GAPVD1: variants seen among roughly 807,000 people sequenced by gnomAD.
The protein encoded by GAPVD1 is GTPase-activating protein and VPS9 domain-containing protein 1.
GAPVD1 carries 35 observed loss-of-function variants against 155.5 expected under a neutral mutation model. The ratio of observed to expected loss-of-function variants is 0.23; its 90% confidence interval spans 0.17 to 0.30. The LOEUF (loss-of-function observed/expected upper bound fraction) is 0.30. Among genes scored for constraint, GAPVD1 ranks in the 10% least tolerant of loss-of-function variants. The pLI is 1.00. For missense variants in GAPVD1, 1,429 were observed against 1,775.7 expected (o/e 0.80, Z 3.51); for synonymous variants, 636 against 619.7 (o/e 1.03, Z -0.39).
chr9:125,283,013 AAAGTTT>A (rs973971424), intron 2 of GAPVD1, among the ~76,000 whole-genome samples: 5 of 150,292 alleles, frequency 3.3e-5, no homozygotes, highest in African/African-American at 9.8e-5. Flanking sequence ...GCTGTTACTT[AAAGTTT>A]ATTTTTATTT....
chr9:125,296,225 C>A (rs185442265), intron 3 of GAPVD1, among the ~76,000 whole-genome samples: 10 of 150,706 alleles, frequency 6.6e-5, no homozygotes, highest in Admixed American at 2.7e-4. Flanking sequence ...GTTGCCCAGG[C>A]TGGAGTGCAG....
chr9:125,287,286 C>G (rs549796458), intron 2 of GAPVD1, among the ~76,000 whole-genome samples: 1 of 152,112 alleles, frequency 6.6e-6, no homozygotes. Context: ...GCCTGTAATC[C>G]TAGCATTTTG....
At chr9:125,318,867 G>C (rs1489398925) in intron 9 of GAPVD1, among the ~76,000 whole-genome samples, 1 of 151,636 alleles carries the variant, frequency 6.6e-6, no homozygotes, top group Non-Finnish European at 1.5e-5. Context: ...TGGGCAACTT[G>C]GCGAGACCCT....
chr9:125,305,804 C>A (rs1841694803), intron 6 of GAPVD1, among the ~76,000 whole-genome samples: 1 of 151,984 alleles, frequency 6.6e-6, no homozygotes, highest in South Asian at 2.1e-4. Flanking sequence ...TAGGGGCACA[C>A]CACCATGCCC....
At chr9:125,280,396 CAAAAAAAAAA>C (rs750354567) in intron 2 of GAPVD1, among the ~76,000 whole-genome samples, 1 of 57,338 alleles carries the variant, frequency 1.7e-5, no homozygotes, top group African/African-American at 6.8e-5. Flanking sequence ...AAGTCCATCT[CAAAAAAAAAA>C]AAAAAAAAAA....
chr9:125,275,145 G>C (rs147035636), intron 2 of GAPVD1, among the ~76,000 whole-genome samples: 1 of 150,520 alleles, frequency 6.6e-6, no homozygotes, highest in Non-Finnish European at 1.5e-5. Context: ...GTGTGATCTC[G>C]GCTCACTGCA....
At chr9:125,285,807 T>C (rs77246434) in intron 2 of GAPVD1, among the ~76,000 whole-genome samples, 3,039 of 152,094 alleles carry the variant, frequency 0.02, 117 homozygotes, top group East Asian at 0.09. Flanking sequence ...GTTGAACTTA[T>C]TTTATTTTAT....
chr9:125,270,493 A>G (rs574822874), intron 2 of GAPVD1, among the ~76,000 whole-genome samples: 27 of 152,220 alleles, frequency 1.8e-4, no homozygotes, highest in Admixed American at 1.3e-3. Flanking sequence ...ACTTTTCTGG[A>G]TATGTTTCAA....
intron 2 of GAPVD1, among the ~76,000 whole-genome samples, chr9:125,271,551 T>A (rs1236324106): frequency 6.6e-6 from 1 of 152,040 alleles, no homozygotes; most frequent in Non-Finnish European, 1.5e-5. Context: ...TAACTTATTT[T>A]TTTATTTTTT....
At position 125,281,164 on chromosome 9, in the gene GAPVD1, T is replaced by G. The variant is rs544195167; in HGVS notation, c.-150+12180T>G. Among the ~76,000 whole-genome samples the G allele has an allele frequency of 4.0e-3, 602 of 152,324 alleles. 1 individual carries two copies. The highest frequency in any genetic ancestry group is 5.8e-3 in the South Asian group (28 of 4,826). On this transcript the variant is annotated intron_variant, in intron 2 of 27. Transcript: ENST00000297933. ...GGAATGTCATATGGGAGCCGTTCCC[T>G]TTTCTAGGCCGTGGTGGTTAGAGAT...
In GAPVD1 at chr9:125,312,489, C is replaced by T; in HGVS notation, c.1479C>T (p.Asp493=). Residue 493 remains aspartate, a synonymous_variant, in exon 9 of 28, where the codon GAC becomes GAT. Coordinates refer to ENST00000297933, the MANE Select transcript of GAPVD1 (RefSeq NM_001282680.3). ...RSRSRTNMLM[D]LHMDHEGSSQ... is the part of the protein sequence containing the mutation. ...GAAGCCGCACCAATATGCTAATGGA[C>T]CTACATATGGACCATGAAGGATCAT... 2 of 1,600,376 alleles carry T rather than the reference C, an allele frequency of 1.2e-6. No individual in the cohort carries two copies. The highest frequency in any genetic ancestry group is 1.7e-6 in the Non-Finnish European group (2 of 1,174,794).
intron 3 of GAPVD1, among the ~76,000 whole-genome samples, chr9:125,298,111 C>A (rs534302878): frequency 6.6e-6 from 1 of 152,214 alleles, no homozygotes; most frequent in East Asian, 1.9e-4. Context: ...AGAAAGGAAG[C>A]AGCGAGATCA....
intron 2 of GAPVD1, among the ~76,000 whole-genome samples, chr9:125,273,752 C>G (rs1200241916): frequency 6.6e-6 from 1 of 151,740 alleles, no homozygotes; most frequent in African/African-American, 2.4e-5. Flanking sequence ...ACCAGCATCC[C>G]CAGCATCTGG....
intron 2 of GAPVD1, among the ~76,000 whole-genome samples, chr9:125,285,350 C>G (rs1837476315): frequency 6.6e-6 from 1 of 152,092 alleles, no homozygotes; most frequent in Non-Finnish European, 1.5e-5. Flanking sequence ...CTAAAATCTC[C>G]TTACTGTGCT....
intron 2 of GAPVD1, among the ~76,000 whole-genome samples, chr9:125,278,340 G>A (rs1263510357): frequency 6.6e-6 from 1 of 151,996 alleles, no homozygotes; most frequent in African/African-American, 2.4e-5. Context: ...GGCCAACATG[G>A]TGAAACCCTG....
intron 14 of GAPVD1, among the ~76,000 whole-genome samples, chr9:125,332,286 T>C (rs1251337395): frequency 6.6e-6 from 1 of 152,232 alleles, no homozygotes; most frequent in Non-Finnish European, 1.5e-5. Context: ...GTTTCTGTTC[T>C]TAGTAGCCTG....
chr9:125,293,860 A>ATATAAATATATTT (rs1554757087), intron 2 of GAPVD1, among the ~76,000 whole-genome samples: 129 of 10,592 alleles, frequency 0.012, 8 homozygotes, highest in South Asian at 0.073. Flanking sequence ...TTTTATATAT[A>ATATAAATATATTT]TATATATATA....
In GAPVD1 at chr9:125,302,690, A is replaced by G; in HGVS notation, c.893A>G (p.Glu298Gly). The change falls in exon 5 of 28, where the codon GAA becomes GGA. Residue 298 changes from glutamate to glycine, a missense_variant. Glu to Gly is a moderately conservative substitution (Grantham distance 98). This residue lies in a region of GAPVD1 where 628 missense variants were observed against 733.4 expected (regional missense o/e 0.86). Coordinates refer to ENST00000297933, the MANE Select transcript of GAPVD1 (RefSeq NM_001282680.3). ...ACCCTCTCCTGTGTAGATAGGCTGG[A>G]AGTTGGGGAGGTCAGGGCAATGTGT... is the stretch of plus-strand genomic sequence containing the variant. ...YKTLSCVDRL[E>G]VGEVRAMCTD... 6.2e-7 allele frequency: 1 copy of G among 1,608,842 alleles called. No individual in the cohort carries two copies. Among genetic ancestry groups the G allele is most frequent in the Admixed American group, 1.7e-5 (1 of 59,528 alleles).
rs965285158 is a variant in GAPVD1 at position 125,273,068 on chromosome 9, G to A, written c.-150+4084G>A. ...TACAGTGTTCTAAGGATTTCAGATT[G>A]TTCTTAGTTACTTGGTTTATCTTGA... On this transcript the variant is annotated intron_variant, in intron 2 of 27. Coordinates refer to ENST00000297933, the MANE Select transcript of GAPVD1 (RefSeq NM_001282680.3). Among the ~76,000 whole-genome samples, 5 of 152,154 alleles carry A rather than the reference G, an allele frequency of 3.3e-5. No homozygotes were observed. In the East Asian group the frequency reaches 9.6e-4, roughly 29 times the overall value.
Sources: allele counts gnomAD v4.1 joint callset (sites outside exome capture counted in the v4.1 genomes callset), GRCh38; gene constraint gnomAD v4.1.1; regional missense constraint gnomAD v4.1.1; transcripts MANE v1.5; gene names NCBI Gene and HGNC (gene_info 2026-07-23, HGNC 2026-07-21).